Variants in ZMAT4 observed in about 807,000 individuals in gnomAD.
ZMAT4 encodes zinc finger matrin-type protein 4.
ZMAT4 carries 17 observed loss-of-function variants against 28.7 expected under a neutral mutation model. The observed-to-expected ratio is 0.59, with a 90% CI of 0.41 to 0.89. ZMAT4 has a LOEUF of 0.89. ZMAT4 is among the 40% of genes least tolerant of loss of function. The probability of loss-of-function intolerance (pLI) is 0.00; values close to 1 mark genes in which losing one functional copy is unlikely to be tolerated. For missense variants in ZMAT4, 240 were observed against 283.8 expected (o/e 0.85, Z 1.11); for synonymous variants, 117 against 109.2 (o/e 1.07, Z -0.44).
chr8:40,667,899 C>T (rs1355108206), intron 5 of ZMAT4, among the ~76,000 whole-genome samples: 2 of 150,670 alleles, frequency 1.3e-5, no homozygotes, highest in Non-Finnish European at 2.9e-5. Flanking sequence ...GTTGCTATAG[C>T]TACATCAGCA....
At chr8:40,801,228 G>A (rs1027848277) in intron 2 of ZMAT4, among the ~76,000 whole-genome samples, 1 of 150,848 alleles carries the variant, frequency 6.6e-6, no homozygotes, top group Non-Finnish European at 1.5e-5. Flanking sequence ...ATTAATAATG[G>A]CCTTCCAAAA....
intron 3 of ZMAT4, among the ~76,000 whole-genome samples, chr8:40,701,481 G>A (rs75692523): frequency 0.045 from 6,683 of 148,832 alleles, 285 homozygotes; most frequent in East Asian, 0.24. Flanking sequence ...CTCTAATGAC[G>A]CTGGTGGATA....
chr8:40,754,386 C>T (rs1417817004), intron 3 of ZMAT4, among the ~76,000 whole-genome samples: 3 of 152,070 alleles, frequency 2.0e-5, no homozygotes, highest in African/African-American at 7.2e-5. Context: ...TCCTCTGTAT[C>T]AGATTCTAGG....
chr8:40,888,232 T>C (rs1275261040), intron 1 of ZMAT4, among the ~76,000 whole-genome samples: 1 of 152,206 alleles, frequency 6.6e-6, no homozygotes, highest in East Asian at 1.9e-4. Flanking sequence ...CCCTTCTCCA[T>C]GACAGGTAGG....
At chr8:40,837,527 T>C (rs1325168337) in intron 1 of ZMAT4, among the ~76,000 whole-genome samples, 1 of 152,132 alleles carries the variant, frequency 6.6e-6, no homozygotes, top group Non-Finnish European at 1.5e-5. Context: ...ATACACAAAG[T>C]GCACTTTTTA....
At chr8:40,785,829 C>G (rs1814049400) in intron 2 of ZMAT4, among the ~76,000 whole-genome samples, 1 of 152,216 alleles carries the variant, frequency 6.6e-6, no homozygotes, top group Non-Finnish European at 1.5e-5. Context: ...TTCCCTCCCA[C>G]CATCTGCTCT....
chr8:40,550,893 G>A (rs1441244780), intron 6 of ZMAT4, among the ~76,000 whole-genome samples: 5 of 152,102 alleles, frequency 3.3e-5, no homozygotes, highest in African/African-American at 1.2e-4. Flanking sequence ...TTCTCCTCTG[G>A]AAAATAGCTT....
chr8:40,851,679 T>C (rs1173208198), intron 1 of ZMAT4, among the ~76,000 whole-genome samples: 1 of 152,206 alleles, frequency 6.6e-6, no homozygotes, highest in Non-Finnish European at 1.5e-5. Context: ...AGTGACCAGA[T>C]CAGGGTAATT....
intron 3 of ZMAT4, among the ~76,000 whole-genome samples, chr8:40,765,922 TCTG>T (rs113087927): frequency 0.011 from 1,658 of 152,354 alleles, 22 homozygotes; most frequent in African/African-American, 0.038. Context: ...TTCTATTCTT[TCTG>T]CTAATAGATA....
intron 2 of ZMAT4, among the ~76,000 whole-genome samples, chr8:40,800,851 G>GA (rs1238493803): frequency 1.3e-5 from 2 of 151,540 alleles, no homozygotes; most frequent in Non-Finnish European, 2.9e-5. Flanking sequence ...AGAAAGAGAA[G>GA]AAAAAAATTA....
intron 2 of ZMAT4, among the ~76,000 whole-genome samples, chr8:40,812,413 T>C (rs1205551846): frequency 6.6e-6 from 1 of 152,220 alleles, no homozygotes; most frequent in Non-Finnish European, 1.5e-5. Flanking sequence ...ACATCAAACG[T>C]ATCTCGGCTG....
At chr8:40,564,910 T>TA (rs1803863038) in intron 6 of ZMAT4, among the ~76,000 whole-genome samples, 1 of 152,182 alleles carries the variant, frequency 6.6e-6, no homozygotes, top group Non-Finnish European at 1.5e-5. Context: ...GCACGGATAG[T>TA]AAAAAATCTG....
At chr8:40,580,010 C>CTT (rs60027647) in intron 6 of ZMAT4, among the ~76,000 whole-genome samples, 25,232 of 118,454 alleles carry the variant, frequency 0.21, 3,787 homozygotes, top group Non-Finnish European at 0.28. Flanking sequence ...ATGTATTCAT[C>CTT]TTTTTTTTTT....
intron 3 of ZMAT4, among the ~76,000 whole-genome samples, chr8:40,759,319 G>A (rs1466804371): frequency 6.7e-6 from 1 of 148,912 alleles, no homozygotes; most frequent in Non-Finnish European, 1.5e-5. Flanking sequence ...AGCCAGTCTA[G>A]AATCTATGGT....
At chr8:40,548,462 C>A (rs1803268398) in intron 6 of ZMAT4, among the ~76,000 whole-genome samples, 1 of 152,110 alleles carries the variant, frequency 6.6e-6, no homozygotes, top group South Asian at 2.1e-4. Flanking sequence ...GTGATTTATG[C>A]ATAGAAGTTT....
chr8:40,647,734 C>T (rs1176351375), intron 5 of ZMAT4, among the ~76,000 whole-genome samples: 8 of 152,298 alleles, frequency 5.3e-5, no homozygotes, highest in Non-Finnish European at 1.0e-4. Context: ...GATCTGAGAA[C>T]GGACAGACTG....
intron 5 of ZMAT4, among the ~76,000 whole-genome samples, chr8:40,628,827 T>A (rs1288806636): frequency 6.6e-6 from 1 of 152,090 alleles, no homozygotes; most frequent in Non-Finnish European, 1.5e-5. Context: ...ATAAGAAGTA[T>A]CCACTAGAGA....
intron 2 of ZMAT4, among the ~76,000 whole-genome samples, chr8:40,810,244 T>C (rs1224279029): frequency 6.6e-6 from 1 of 152,178 alleles, no homozygotes; most frequent in Non-Finnish European, 1.5e-5. Context: ...CTTCTTCAAG[T>C]ATTCACATGG....
intron 5 of ZMAT4, among the ~76,000 whole-genome samples, chr8:40,673,606 C>T (rs992258900): frequency 2.6e-5 from 4 of 152,058 alleles, no homozygotes; most frequent in East Asian, 1.9e-4. Flanking sequence ...GAGAAAAATG[C>T]ATTTTCTCAG....
Sources: gnomAD v4.1 joint callset for allele counts (sites outside exome capture counted in the v4.1 genomes callset) on GRCh38, gnomAD v4.1.1 for gene constraint, MANE v1.5 for transcripts, NCBI Gene and HGNC (gene_info 2026-07-23, HGNC 2026-07-21) for gene names.